The following KDM4C variants were observed in gnomAD, a reference collection of about 807,000 sequenced individuals.
KDM4C encodes lysine demethylase 4C.
In KDM4C, 81 loss-of-function variants were observed where a neutral mutation model predicts 129.3. The observed-to-expected ratio is 0.63, with a 90% CI of 0.52 to 0.75. KDM4C has a LOEUF of 0.75. KDM4C is among the 30% of genes least tolerant of loss of function. KDM4C has a pLI of 0.00. For synonymous variants in KDM4C, 573 were observed against 456.1 expected (o/e 1.26, Z -3.26); for missense variants, 1,457 against 1,304.0 (o/e 1.12, Z -1.81).
upstream of KDM4C, among the ~76,000 whole-genome samples, chr9:6,756,594 G>A (rs1818299430): frequency 6.6e-6 from 1 of 152,246 alleles, no homozygotes; most frequent in South Asian, 2.1e-4. Flanking sequence ...GCGGGCGACT[G>A]TAATCCCAGC....
chr9:6,745,638 T>C lies in KDM4C; in HGVS notation c.49+24641T>C, dbSNP rs529855818. On this transcript the variant is annotated intron_variant, in intron 1 of 17. Transcript: ENST00000536108. Reference sequence around the variant, plus strand: ...TATTGTATTATGTTACATTACATTATATTTTATTTTATTTTTTTGAGACGG... The same window carrying C: ...TATTGTATTATGTTACATTACATTACATTTTATTTTATTTTTTTGAGACGG... 3.3e-5 allele frequency among the ~76,000 whole-genome samples: 5 copies of C among 151,708 alleles called. No individual in the cohort carries two copies. The South Asian group carries it at 1.0e-3, about 32-fold the overall frequency.
chr9:7,038,515 T>A (rs1828026533), intron 15 of KDM4C, among the ~76,000 whole-genome samples: 1 of 152,106 alleles, frequency 6.6e-6, no homozygotes, highest in Non-Finnish European at 1.5e-5. Context: ...TTCATTACTG[T>A]TTGAAATTTT....
intron 3 of KDM4C, among the ~76,000 whole-genome samples, chr9:6,808,305 A>G (rs1174742393): frequency 1.1e-4 from 7 of 65,930 alleles, no homozygotes; most frequent in South Asian, 5.9e-4. Context: ...GTGTCTGTGT[A>G]GAAAGAAGTA....
At chr9:6,929,910 C>G (rs1823360881) in intron 8 of KDM4C, among the ~76,000 whole-genome samples, 1 of 152,096 alleles carries the variant, frequency 6.6e-6, no homozygotes, top group Non-Finnish European at 1.5e-5. Context: ...TCTTTTATGG[C>G]TCATAAGAAG....
chr9:6,730,332 G>A (rs1817280669), intron 1 of KDM4C, among the ~76,000 whole-genome samples: 1 of 151,934 alleles, frequency 6.6e-6, no homozygotes, highest in Non-Finnish European at 1.5e-5. Flanking sequence ...ATTTAATTGA[G>A]CGGCTGGGCG....
In KDM4C at chr9:6,827,589, A is replaced by T. The variant is rs569153117; in HGVS notation, c.435+12844A>T. ...ATTTATTTGAGGCTGTGGGTTTCCA[A>T]ATGAGGTAAAACAGTTTAAACGGTT... is the stretch of plus-strand genomic sequence containing the variant. On this transcript the variant is annotated intron_variant, in intron 4 of 21. Transcript: ENST00000381309. 1.5e-4 allele frequency among the ~76,000 whole-genome samples: 23 copies of T among 152,326 alleles called. No individual in the cohort carries two copies. The South Asian group carries it at 3.7e-3, about 25-fold the overall frequency.
At chr9:6,828,876 A>G (rs1471421049) in intron 4 of KDM4C, among the ~76,000 whole-genome samples, 1 of 51,738 alleles carries the variant, frequency 1.9e-5, no homozygotes, top group Non-Finnish European at 3.5e-5. Context: ...CGTCTCAAGA[A>G]AAAAAAAATT....
At chr9:6,737,094 C>G (rs1198339989) in intron 1 of KDM4C, among the ~76,000 whole-genome samples, 5 of 147,150 alleles carry the variant, frequency 3.4e-5, no homozygotes, top group Non-Finnish European at 3.0e-5. Context: ...TCCCACTGGA[C>G]TAGCCTGGGC....
chr9:6,823,401 A>T (rs1392444910), intron 4 of KDM4C, among the ~76,000 whole-genome samples: 2 of 152,196 alleles, frequency 1.3e-5, no homozygotes, highest in African/African-American at 4.8e-5. Context: ...ATAGCATTTC[A>T]TAAAGACTGA....
At position 6,966,945 on chromosome 9, in the gene KDM4C, C is replaced by T. The variant is rs868588053; in HGVS notation, c.922-13980C>T. Among the ~76,000 whole-genome samples the T allele has an allele frequency of 4.6e-5, 7 of 152,190 alleles. No homozygotes were observed. In the East Asian group the frequency reaches 7.7e-4, roughly 17 times the overall value. ...TAAAAAAATTGATGATTTAGGGTCT[C>T]GTTAAAGTTAAAAACTGCTGCTCAC... On this transcript the variant is annotated intron_variant, in intron 8 of 21. Transcript: ENST00000381309.
chr9:6,828,885 T>C (rs999822442), intron 4 of KDM4C, among the ~76,000 whole-genome samples: 1 of 151,728 alleles, frequency 6.6e-6, no homozygotes, highest in Non-Finnish European at 1.5e-5. Context: ...AAAAAAAAAA[T>C]TGGGTTGGAT....
intron 17 of KDM4C, among the ~76,000 whole-genome samples, chr9:7,058,226 T>G (rs1167646101): frequency 6.6e-6 from 1 of 151,918 alleles, no homozygotes; most frequent in Non-Finnish European, 1.5e-5. Context: ...AAATCACTGT[T>G]TGGAACAGAG....
rs145098534 is a variant in KDM4C, at chr9:7,080,979, C to T, written c.2425-22706C>T. Among the ~76,000 whole-genome samples the T allele has an allele frequency of 7.7e-3, 1,165 of 152,246 alleles. 11 individuals carry two copies. Among genetic ancestry groups the T allele is most frequent in the Non-Finnish European group, 0.012 (814 of 68,024 alleles). ...TTAGTGATTCACTTGTGTAAATGAG[C>T]TAAATGTGTGGGCAAACCTAAGGCA... On this transcript the variant is annotated intron_variant, in intron 17 of 21. Coordinates refer to ENST00000381309, the MANE Select transcript of KDM4C (RefSeq NM_015061.6).
At chr9:7,086,166 C>T (rs1438748719) in intron 17 of KDM4C, among the ~76,000 whole-genome samples, 1 of 152,062 alleles carries the variant, frequency 6.6e-6, no homozygotes, top group African/African-American at 2.4e-5. Flanking sequence ...TCAAAAAAAA[C>T]AAAAACAGTT....
intron 21 of KDM4C, chr9:7,170,899 A>C: frequency 4.3e-6 from 1 of 230,446 alleles, no homozygotes; most frequent in Non-Finnish European, 7.0e-6. Context: ...AACTACACTA[A>C]CAATAGCTGA....
intron 17 of KDM4C, among the ~76,000 whole-genome samples, chr9:7,097,608 C>T (rs757879610): frequency 2.0e-5 from 3 of 152,174 alleles, no homozygotes; most frequent in East Asian, 1.9e-4. Flanking sequence ...TAGATCTGCT[C>T]AGTAGAATGG....
chr9:7,098,321 C>G (rs909872421), intron 17 of KDM4C, among the ~76,000 whole-genome samples: 2 of 152,172 alleles, frequency 1.3e-5, no homozygotes, highest in African/African-American at 4.8e-5. Context: ...CTTTTCTTAG[C>G]TTTCTCACCT....
intron 1 of KDM4C, among the ~76,000 whole-genome samples, chr9:6,743,444 T>C (rs748140225): frequency 6.6e-6 from 1 of 152,144 alleles, no homozygotes; most frequent in African/African-American, 2.4e-5. Context: ...AGTTATCTTA[T>C]GTTGTTGTTA....
In KDM4C at chr9:6,758,320, C is replaced by T; in HGVS notation, c.-18+117C>T. 9.1e-6 allele frequency: 5 copies of T among 550,568 alleles called. No individual in the cohort carries two copies. The highest frequency in any genetic ancestry group is 1.2e-5 in the Non-Finnish European group (5 of 432,602). The allele number at this position is 550,568 out of a possible 1,614,324, so 34.1% of individuals were successfully genotyped here. On this transcript the variant is annotated intron_variant, in intron 1 of 21. Coordinates refer to ENST00000381309, the MANE Select transcript of KDM4C (RefSeq NM_015061.6). The surrounding 1 kb of genome is among the most constrained non-coding windows in gnomAD (Gnocchi z 4.6). ...GTGCGGGCGTCCGGGCGAGCGGCGA[C>T]GCTGGGGCAGAGACGCTCCGTCCGT...
Sources: gnomAD v4.1 joint callset for allele counts (sites outside exome capture counted in the v4.1 genomes callset) on GRCh38, gnomAD v4.1.1 for gene constraint, Gnocchi (gnomAD v3.1) non-coding constraint, MANE v1.5 for transcripts, NCBI Gene and HGNC (gene_info 2026-07-23, HGNC 2026-07-21) for gene names.